ITGB5: variants seen among roughly 807,000 people sequenced by gnomAD.
ITGB5 encodes the protein integrin subunit beta 5.
In ITGB5, 38 loss-of-function variants were observed where a neutral mutation model predicts 84.8. The ratio of observed to expected loss-of-function variants is 0.45; its 90% CI spans 0.35 to 0.59. ITGB5 has a LOEUF of 0.59. ITGB5 is among the 20% of genes least tolerant of loss of function. The probability of loss-of-function intolerance (pLI) is 0.01; values close to 1 mark genes in which losing one functional copy is unlikely to be tolerated. For synonymous variants in ITGB5, 393 were observed against 414.4 expected (o/e 0.95, Z 0.63); for missense variants, 905 against 1,034.5 (o/e 0.87, Z 1.72).
At chr3:124,868,995 G>C (rs2065437114) in intron 2 of ITGB5, among the ~76,000 whole-genome samples, 1 of 152,096 alleles carries the variant, frequency 6.6e-6, no homozygotes, top group Non-Finnish European at 1.5e-5. Flanking sequence ...ATGGAATTAG[G>C]TTACAAGGAA....
intron 5 of ITGB5, among the ~76,000 whole-genome samples, chr3:124,825,530 T>G (rs2107568449): frequency 6.6e-6 from 1 of 152,288 alleles, no homozygotes; most frequent in African/African-American, 2.4e-5. Context: ...AACAAACTAC[T>G]GATAACACAC....
At chr3:124,786,911 A>C (rs1008239330) in intron 10 of ITGB5, among the ~76,000 whole-genome samples, 9 of 152,226 alleles carry the variant, frequency 5.9e-5, no homozygotes, top group Non-Finnish European at 1.3e-4. Context: ...CTTAAGAATA[A>C]CCATTTCAGC....
At chr3:124,798,598 T>G (rs1435210271) in intron 9 of ITGB5, among the ~76,000 whole-genome samples, 1 of 151,694 alleles carries the variant, frequency 6.6e-6, no homozygotes, top group East Asian at 2.0e-4. Flanking sequence ...TTTTGTAGTT[T>G]TGGTAGAGAC....
chr3:124,766,863 G>A (rs573967522), intron 12 of ITGB5, among the ~76,000 whole-genome samples: 2 of 152,186 alleles, frequency 1.3e-5, no homozygotes, highest in East Asian at 3.9e-4. Flanking sequence ...CTGGGTGAGA[G>A]GCTGGTGCCC....
Position 124,848,535 on chromosome 3 carries a change from G to A in ITGB5, c.385C>T (p.Gln129Ter), listed in dbSNP as rs764398879. Residue 129 changes from glutamine to a stop codon, truncating the protein, a stop_gained, in exon 4 of 15, where the codon CAG becomes TAG. Transcript: ENST00000296181. LOFTEE classifies it high-confidence loss of function. ...GGATAGTCCTCCACCTGGCGAACCT[G>A]TAGCTGGAAGGTGGTCTTGTCACCT... The part of the protein sequence containing the change: ...RPGDKTTFQL[Q>*]VRQVEDYPVD... 3 of 1,613,082 alleles carry A rather than the reference G, an allele frequency of 1.9e-6. No homozygotes were observed. Among genetic ancestry groups the A allele is most frequent in the Non-Finnish European group, 2.5e-6 (3 of 1,179,830 alleles).
chr3:124,827,684 C>T (rs528780578), intron 5 of ITGB5, among the ~76,000 whole-genome samples: 2 of 152,184 alleles, frequency 1.3e-5, no homozygotes, highest in Admixed American at 6.5e-5. Context: ...GCTAAGCCAT[C>T]GTATCCCCTG....
rs531378337 is a variant in ITGB5 at position 124,837,177 on chromosome 3, C to T, written c.780+4206G>A. Among the ~76,000 whole-genome samples, 3 of 152,338 alleles carry T rather than the reference C, an allele frequency of 2.0e-5. 1 individual carries two copies. The South Asian group carries it at 6.2e-4, about 32-fold the overall frequency. ...CAACTTGGGACCCAGAGCTTCCAGG[C>T]AACTGCTCACCCTCTGTCCTCCCTA... On this transcript the variant is annotated intron_variant, in intron 5 of 14. Transcript: ENST00000296181.
At chr3:124,849,027 A>G (rs1333065663) in intron 3 of ITGB5, among the ~76,000 whole-genome samples, 1 of 151,954 alleles carries the variant, frequency 6.6e-6, no homozygotes, top group African/African-American at 2.4e-5. Context: ...TGATCCACCT[A>G]CCTCAGCCTC....
chr3:124,796,330 GT>G lies in ITGB5; in HGVS notation c.1693+57del, dbSNP rs1283879328. 4 of 1,450,586 alleles carry G rather than the reference GT, an allele frequency of 2.8e-6. No individual in the cohort carries two copies. The African/African-American group carries it at 5.6e-5, about 20-fold the overall frequency. The allele number at this position is 1,450,586 out of a possible 1,614,324, so 89.9% of individuals were successfully genotyped here. A position where few individuals can be genotyped will look rare whatever the true frequency, so the allele number is the denominator to read the frequency against. ...TGAGTAAAAGGCAGGCTTTGGGAGG[GT>G]GTCCTAACGGCATCTTGGCCTGGCT... On this transcript the variant is annotated intron_variant, in intron 10 of 14. Coordinates refer to ENST00000296181, the MANE Select transcript of ITGB5 (RefSeq NM_002213.5).
intron 10 of ITGB5, among the ~76,000 whole-genome samples, chr3:124,776,143 A>C (rs1343867508): frequency 6.6e-6 from 1 of 152,164 alleles, no homozygotes; most frequent in Non-Finnish European, 1.5e-5. Context: ...AAGCCACTGG[A>C]AAGGGCAGTG....
intron 2 of ITGB5, among the ~76,000 whole-genome samples, chr3:124,870,053 C>T (rs1410380678): frequency 6.6e-6 from 1 of 152,204 alleles, no homozygotes; most frequent in Admixed American, 6.5e-5. Context: ...GAACAATCAC[C>T]TTCATTTTAC....
chr3:124,816,477 G>A (rs1406106943), intron 8 of ITGB5, among the ~76,000 whole-genome samples: 1 of 152,220 alleles, frequency 6.6e-6, no homozygotes, highest in Non-Finnish European at 1.5e-5. Context: ...GCCACACTTA[G>A]TCTGTGTATA....
chr3:124,889,221 TC>T (rs1303602152), upstream of ITGB5, among the ~76,000 whole-genome samples: 1 of 152,158 alleles, frequency 6.6e-6, no homozygotes, highest in African/African-American at 2.4e-5. Context: ...ACCTGATTGC[TC>T]CCTCTGGCCT....
chr3:124,764,492 C>G lies in ITGB5; in HGVS notation c.2203G>C (p.Gly735Arg). The G allele has an allele frequency of 6.2e-7, 1 of 1,613,996 alleles. No homozygotes were observed. Among genetic ancestry groups the G allele is most frequent in the South Asian group, 1.1e-5 (1 of 91,060 alleles). The change falls in exon 14 of 15, where the codon GGG (glycine) becomes CGG (arginine). Residue 735 changes from glycine (G) to arginine (R), a missense_variant. Physicochemically the swap from Gly to Arg is moderately radical, Grantham distance 125. Transcript: ENST00000296181. Reference protein sequence around the residue: ...LAVVGSILLVGLALLAIWKLL... With the variant: ...LAVVGSILLVRLALLAIWKLL... Reference sequence around the variant, plus strand: ...TTCCAGATAGCCAGGAGTGCAAGCCCAACAAGGAGGATGCTACCGACCACA... The same window carrying G: ...TTCCAGATAGCCAGGAGTGCAAGCCGAACAAGGAGGATGCTACCGACCACA...
At chr3:124,794,536 A>G (rs1448483650) in intron 10 of ITGB5, among the ~76,000 whole-genome samples, 1 of 152,054 alleles carries the variant, frequency 6.6e-6, no homozygotes, top group Non-Finnish European at 1.5e-5. Context: ...ATCCCAGCAC[A>G]TTGGGAGGCT....
intron 10 of ITGB5, among the ~76,000 whole-genome samples, chr3:124,782,245 C>T (rs1355079188): frequency 6.6e-6 from 1 of 152,120 alleles, no homozygotes; most frequent in Non-Finnish European, 1.5e-5. Flanking sequence ...CACAGAGAAG[C>T]CAAGTAACTG....
intron 5 of ITGB5, among the ~76,000 whole-genome samples, chr3:124,835,450 T>A (rs1297846039): frequency 6.6e-6 from 1 of 152,250 alleles, no homozygotes; most frequent in Non-Finnish European, 1.5e-5. Context: ...TCTGCACACC[T>A]GCATGCGCAA....
chr3:124,875,642 C>T (rs115959067), intron 1 of ITGB5, among the ~76,000 whole-genome samples: 247 of 152,232 alleles, frequency 1.6e-3, no homozygotes, highest in African/African-American at 5.6e-3. Flanking sequence ...TCCAGCAATT[C>T]CACTTCGGGG....
chr3:124,833,848 T>G (rs2064891737), intron 5 of ITGB5, among the ~76,000 whole-genome samples: 1 of 152,202 alleles, frequency 6.6e-6, no homozygotes, highest in African/African-American at 2.4e-5. Context: ...GGGAGTTTAC[T>G]ATCTCAAAGG....
Sources: gnomAD v4.1 joint callset for allele counts (sites outside exome capture counted in the v4.1 genomes callset) on GRCh38, gnomAD v4.1.1 for gene constraint, MANE v1.5 for transcripts, NCBI Gene and HGNC (gene_info 2026-07-23, HGNC 2026-07-21) for gene names.